Variants in NPFFR2 observed in about 807,000 individuals in gnomAD.
The protein encoded by NPFFR2 is G-protein coupled receptor 74.
NPFFR2 carries 15 observed loss-of-function variants against 13.1 expected under a neutral mutation model. The ratio of observed to expected loss-of-function variants is 1.15; its 90% confidence interval spans 0.77 to 1.76. NPFFR2 has a LOEUF of 1.76. Among genes scored for constraint, NPFFR2 ranks in the 40% most tolerant of loss-of-function variants. The probability of loss-of-function intolerance (pLI) is 0.00; values close to 1 mark genes in which losing one functional copy is unlikely to be tolerated. For missense variants in NPFFR2, 572 were observed against 503.5 expected, an observed-to-expected ratio of 1.14 and a Z score of -1.30; for synonymous variants, 190 against 175.7, an observed-to-expected ratio of 1.08 and a Z score of -0.65.
At chr4:72,128,158 A>G (rs72653911) in intron 1 of NPFFR2, among the ~76,000 whole-genome samples, 5,150 of 152,294 alleles carry the variant, frequency 0.034, 122 homozygotes, top group Non-Finnish European at 0.053. Flanking sequence ...GGAGTTTCAA[A>G]AATGTAGACC....
chr4:72,047,116 T>A (rs2109760936), intron 1 of NPFFR2, among the ~76,000 whole-genome samples: 1 of 151,434 alleles, frequency 6.6e-6, no homozygotes, highest in South Asian at 2.1e-4. Flanking sequence ...AAAGATTGTA[T>A]AATAAAATAA....
chr4:72,109,913 A>T (rs1721518037), intron 1 of NPFFR2, among the ~76,000 whole-genome samples: 1 of 152,028 alleles, frequency 6.6e-6, no homozygotes, highest in Admixed American at 6.6e-5. Flanking sequence ...AACTCTCATC[A>T]GTGAACCAGA....
chr4:72,132,252 G>A (rs28785224), intron 2 of NPFFR2, among the ~76,000 whole-genome samples: 4 of 151,760 alleles, frequency 2.6e-5, no homozygotes, highest in African/African-American at 9.7e-5. Context: ...ATGTAGTATT[G>A]GGTTTCCTGT....
chr4:72,141,287 C>G (rs909563009), intron 3 of NPFFR2, among the ~76,000 whole-genome samples: 26 of 151,792 alleles, frequency 1.7e-4, no homozygotes, highest in African/African-American at 6.3e-4. Flanking sequence ...TTAGTTAGTT[C>G]TTGCCTTCTG....
intron 1 of NPFFR2, among the ~76,000 whole-genome samples, chr4:72,047,848 A>G (rs1719421005): frequency 6.6e-6 from 1 of 152,174 alleles, no homozygotes; most frequent in African/African-American, 2.4e-5. Flanking sequence ...ACACAAGCAT[A>G]TATGCTTCCA....
chr4:72,101,651 G>A (rs1191673430), intron 1 of NPFFR2, among the ~76,000 whole-genome samples: 1 of 151,960 alleles, frequency 6.6e-6, no homozygotes, highest in African/African-American at 2.4e-5. Context: ...GGAGTTCAGA[G>A]AAGGCCAGAA....
chr4:72,045,883 G>T (rs1336258463), intron 1 of NPFFR2, among the ~76,000 whole-genome samples: 5 of 152,098 alleles, frequency 3.3e-5, no homozygotes, highest in Admixed American at 6.6e-5. Flanking sequence ...TGATGGTGCG[G>T]AGTAATGAAG....
chr4:72,069,435 A>T (rs145940588), intron 1 of NPFFR2, among the ~76,000 whole-genome samples: 1 of 152,126 alleles, frequency 6.6e-6, no homozygotes, highest in Non-Finnish European at 1.5e-5. Flanking sequence ...AATTTAAAAA[A>T]CTTTTAAGTA....
At position 72,128,591 on chromosome 4, in the gene NPFFR2, C is replaced by A; in HGVS notation, c.-1C>A. 2 of 1,591,344 alleles carry A rather than the reference C, an allele frequency of 1.3e-6. No homozygotes were observed. Among genetic ancestry groups the A allele is most frequent in the South Asian group, 1.1e-5 (1 of 88,490 alleles). Reference sequence around the variant, plus strand: ...CTGTCTCTTCTTTATTAAGGTTCATCATGAATGAGAAATGGGACACAAACT... The same window carrying A: ...CTGTCTCTTCTTTATTAAGGTTCATAATGAATGAGAAATGGGACACAAACT... On this transcript the variant is annotated 5_prime_UTR_variant, in exon 2 of 4. Coordinates refer to ENST00000308744, the MANE Select transcript of NPFFR2 (RefSeq NM_004885.3).
At chr4:72,144,234 C>G (rs1480710101) in intron 3 of NPFFR2, among the ~76,000 whole-genome samples, 3 of 152,052 alleles carry the variant, frequency 2.0e-5, no homozygotes, top group Non-Finnish European at 4.4e-5. Flanking sequence ...TTGGTCTCTC[C>G]AAATGGGCTC....
At position 72,147,372 on chromosome 4, in the gene NPFFR2, A is replaced by T. The variant is rs1291902859; in HGVS notation, c.823A>T (p.Met275Leu). 1.9e-6 allele frequency: 3 copies of T among 1,614,154 alleles called. No homozygotes were observed. The highest frequency in any genetic ancestry group is 2.2e-5 in the South Asian group (2 of 91,082). ...VSRKKQKIIK[M>L]LLIVALLFIL... ...CAGGAAGAAGCAGAAGATCATTAAG[A>T]TGCTCCTGATTGTGGCCCTGCTTTT... Residue 275 changes from methionine (M) to leucine (L), a missense_variant, in exon 4 of 4, where the codon ATG becomes TTG. Physicochemically the swap from Met to Leu is conservative, Grantham distance 15 (BLOSUM62 2). Transcript: ENST00000308744.
intron 1 of NPFFR2, among the ~76,000 whole-genome samples, chr4:72,080,870 T>A (rs1720598164): frequency 6.8e-6 from 1 of 147,210 alleles, no homozygotes; most frequent in African/African-American, 2.7e-5. Context: ...CTCCACCAGC[T>A]CTTCTTCCCA....
At chr4:72,078,960 A>G (rs1292854372) in intron 1 of NPFFR2, among the ~76,000 whole-genome samples, 1 of 152,008 alleles carries the variant, frequency 6.6e-6, no homozygotes, top group Non-Finnish European at 1.5e-5. Context: ...GTTGCTATAG[A>G]AGGGTAGCAC....
At chr4:72,136,085 G>A (rs1170106218) in intron 2 of NPFFR2, among the ~76,000 whole-genome samples, 3 of 152,154 alleles carry the variant, frequency 2.0e-5, no homozygotes, top group Non-Finnish European at 4.4e-5. Flanking sequence ...GCTAGGTGCA[G>A]TGGCTCATGC....
At chr4:72,039,504 T>A in intron 1 of NPFFR2, 1 of 519,342 alleles carries the variant, frequency 1.9e-6, no homozygotes, top group African/African-American at 2.1e-5. Context: ...AATCTTTTTG[T>A]CATCATTTAA....
chr4:72,044,332 G>T (rs1223025309), intron 1 of NPFFR2, among the ~76,000 whole-genome samples: 3 of 152,104 alleles, frequency 2.0e-5, no homozygotes, highest in African/African-American at 7.2e-5. Context: ...TATAGTTTTA[G>T]GTCTTACATT....
At chr4:72,059,845 G>A (rs781271813) in intron 1 of NPFFR2, among the ~76,000 whole-genome samples, 25 of 152,028 alleles carry the variant, frequency 1.6e-4, no homozygotes, top group Admixed American at 1.3e-3. Flanking sequence ...TCTGACCTCC[G>A]TAAGTCTCCG....
chr4:72,057,897 T>A (rs187140481), intron 1 of NPFFR2, among the ~76,000 whole-genome samples: 3 of 152,082 alleles, frequency 2.0e-5, no homozygotes, highest in African/African-American at 7.2e-5. Context: ...CTACCACATT[T>A]CTGCCAAAAA....
At chr4:72,087,829 A>G (rs1160042255) in intron 1 of NPFFR2, among the ~76,000 whole-genome samples, 11 of 151,886 alleles carry the variant, frequency 7.2e-5, no homozygotes, top group Admixed American at 7.2e-4. Flanking sequence ...TGAAGAAAAC[A>G]TTTTTTTCAT....
Sources: gnomAD v4.1 joint callset for allele counts (sites outside exome capture counted in the v4.1 genomes callset) on GRCh38, gnomAD v4.1.1 for gene constraint, MANE v1.5 for transcripts, NCBI Gene and HGNC (gene_info 2026-07-23, HGNC 2026-07-21) for gene names.